Variants in LRRC74B observed in about 807,000 individuals in gnomAD.
LRRC74B encodes leucine-rich repeat-containing protein 74B.
LRRC74B carries 30 observed loss-of-function variants against 16.6 expected under a neutral mutation model. The ratio of observed to expected loss-of-function variants is 1.80; its 90% CI spans 1.35 to 2.45. The LOEUF is 2.45. Among genes scored for constraint, LRRC74B ranks in the 30% most tolerant of loss-of-function variants. LRRC74B has a pLI of 0.00. For synonymous variants in LRRC74B, 134 were observed against 86.0 expected (o/e 1.56, Z -3.09); for missense variants, 326 against 202.4 (o/e 1.61, Z -3.71).
intron 7 of LRRC74B, chr22:21,056,838 C>T: frequency 2.3e-6 from 1 of 426,136 alleles, no homozygotes; most frequent in Non-Finnish European, 4.2e-6. Flanking sequence ...CCTTTCCCTC[C>T]CCTCTCCCCA....
In LRRC74B at chr22:21,055,813, C is replaced by T. The variant is rs539517463; in HGVS notation, c.927+637C>T. On this transcript the variant is annotated intron_variant, in intron 7 of 8. Transcript: ENST00000442047. The stretch of plus-strand genomic sequence containing the variant: ...CTTCCTGCCTCACAGGAACCTGGAC[C>T]TCTCTGAAGCATAGACCTGCGTTTC... Among the ~76,000 whole-genome samples the T allele has an allele frequency of 1.0e-3, 154 of 152,324 alleles. No individual in the cohort carries two copies. The Middle Eastern group carries it at 0.017, about 17-fold the overall frequency.
upstream of LRRC74B, chr22:21,045,948 C>T: frequency 1.4e-6 from 1 of 713,292 alleles, no homozygotes; most frequent in Non-Finnish European, 2.6e-6. Context: ...GTCAAGCTGT[C>T]TCCGACTCAG....
chr22:21,053,480 G>A lies in LRRC74B; in HGVS notation c.848+5G>A, dbSNP rs1930234295. 6 of 716,076 alleles carry A rather than the reference G, an allele frequency of 8.4e-6. No homozygotes were observed. The highest frequency in any genetic ancestry group is 1.6e-5 in the Non-Finnish European group (6 of 384,810). 44.4% of individuals were successfully genotyped at this position (716,076 alleles called of 1,614,324 possible). ...GTTGGAGGAACTCAACATGAGGTGA[G>A]GATCCCCGGGGGGACACCCCAGGAA... On this transcript the variant is annotated splice_donor_5th_base_variant and intron_variant, in intron 6 of 8. Coordinates refer to ENST00000442047, the Ensembl canonical transcript of LRRC74B.
At chr22:21,058,846 T>C (rs531027522) in intron 8 of LRRC74B, among the ~76,000 whole-genome samples, 12 of 152,316 alleles carry the variant, frequency 7.9e-5, no homozygotes, top group East Asian at 1.9e-4. Context: ...CCCCTAGTCT[T>C]GTGGGAATGC....
At chr22:21,059,610 G>A (rs1930715260) in intron 8 of LRRC74B, among the ~76,000 whole-genome samples, 1 of 152,208 alleles carries the variant, frequency 6.6e-6, no homozygotes. Flanking sequence ...AGCCTGAATT[G>A]AATATTCTAT....
At chr22:21,047,616 T>A (rs909542755) in intron 2 of LRRC74B, 118 bp downstream of exon 2, 1 of 635,962 alleles carries the variant, frequency 1.6e-6, no homozygotes, top group African/African-American at 1.8e-5. Flanking sequence ...GTGTCAGTCA[T>A]GCCCTACCCT....
At chr22:21,053,737 C>T (rs112507656) in intron 6 of LRRC74B, 3,313 of 283,616 alleles carry the variant, frequency 0.012, 23 homozygotes, top group Middle Eastern at 0.021. Context: ...AATCCCACCA[C>T]CTCAGCCTCC....
chr22:21,055,672 A>G (rs1930466273), intron 7 of LRRC74B, among the ~76,000 whole-genome samples: 1 of 152,140 alleles, frequency 6.6e-6, no homozygotes, highest in South Asian at 2.1e-4. Flanking sequence ...CACTGTGCCC[A>G]CAGCAGGTAC....
intron 1 of LRRC74B, among the ~76,000 whole-genome samples, chr22:21,047,042 G>A (rs1409452236): frequency 4.0e-5 from 6 of 151,366 alleles, no homozygotes; most frequent in African/African-American, 1.2e-4. Context: ...TCAGTGAGCC[G>A]AGATCGTGCC....
Position 21,052,375 on chromosome 22 carries a change from T to C in LRRC74B, c.732+17T>C, listed in dbSNP as rs1247307202. 4.2e-6 allele frequency: 3 copies of C among 717,080 alleles called. No individual in the cohort carries two copies. In the African/African-American group the frequency reaches 5.2e-5, roughly 13 times the overall value. 44.4% of individuals were successfully genotyped at this position (717,080 alleles called of 1,614,324 possible). On this transcript the variant is annotated intron_variant, in intron 5 of 8. Transcript: ENST00000442047. ...GGACTGGAGGTATGAAGCCCCCACC[T>C]AGTCGGCCCTACAGCCTGTCTGCTG...
intron 8 of LRRC74B, among the ~76,000 whole-genome samples, chr22:21,059,455 G>A (rs1246815900): frequency 2.0e-5 from 3 of 152,022 alleles, no homozygotes; most frequent in Non-Finnish European, 4.4e-5. Flanking sequence ...TCAGCTACTC[G>A]GGAGGCTGAG....
intron 7 of LRRC74B, among the ~76,000 whole-genome samples, chr22:21,055,560 T>C (rs1332289589): frequency 6.6e-6 from 1 of 152,104 alleles, no homozygotes; most frequent in Non-Finnish European, 1.5e-5. Context: ...CAGCTGGGGT[T>C]CCTTCCCCTG....
At chr22:21,055,853 A>G (rs1930482416) in intron 7 of LRRC74B, among the ~76,000 whole-genome samples, 1 of 152,170 alleles carries the variant, frequency 6.6e-6, no homozygotes, top group Non-Finnish European at 1.5e-5. Context: ...CACCTCGTAG[A>G]CAGTCCTCTA....
intron 1 of LRRC74B, 100 bp downstream of exon 1, chr22:21,046,225 A>G: frequency 1.6e-6 from 1 of 638,330 alleles, no homozygotes; most frequent in Non-Finnish European, 2.8e-6. Flanking sequence ...CAGGGAACGT[A>G]CCCGCCTGCG....
chr22:21,056,951 C>T (rs992737701), intron 7 of LRRC74B, 154 bp from the exon 8 acceptor site: 1 of 599,042 alleles, frequency 1.7e-6, no homozygotes, highest in Non-Finnish European at 3.0e-6. Context: ...CCAGAGCATT[C>T]TGTCTGACTA....
At chr22:21,056,308 A>G (rs1258824384) in intron 7 of LRRC74B, among the ~76,000 whole-genome samples, 2 of 152,090 alleles carry the variant, frequency 1.3e-5, no homozygotes, top group Non-Finnish European at 2.9e-5. Flanking sequence ...TTGAGCCCAG[A>G]CTGACCAACA....
chr22:21,054,039 G>A (rs1930282621), intron 6 of LRRC74B: 1 of 152,246 alleles, frequency 6.6e-6, no homozygotes, highest in African/African-American at 2.4e-5. Context: ...CAGAAGACGA[G>A]CCAGGGCCAG....
rs1451700120 is a variant in LRRC74B, at chr22:21,047,493, C to A, written c.277C>A (p.Pro93Thr). 5.6e-6 allele frequency: 4 copies of A among 717,322 alleles called. No individual in the cohort carries two copies. The East Asian group carries it at 8.0e-5, about 14-fold the overall frequency. 44.4% of individuals were successfully genotyped at this position (717,322 alleles called of 1,614,324 possible). A position where few individuals can be genotyped will look rare whatever the true frequency, so the allele number is the denominator to read the frequency against. ...GAACCTCCGGCACCGTGGCCTGGGG[C>A]CCCAGGTACCACTGGAGGGACACTG... The change falls in exon 2 of 9, where the codon CCC (proline) becomes ACC (threonine). Residue 93 changes from proline (P) to threonine (T), a missense_variant. Transcript: ENST00000442047.
chr22:21,062,316 G>A (rs984505154), downstream of LRRC74B: 9 of 152,178 alleles, frequency 5.9e-5, no homozygotes, highest in South Asian at 2.1e-4. Flanking sequence ...GCTAAAAACC[G>A]CTCGATTGTA....
Sources: gnomAD v4.1 joint callset for allele counts (sites outside exome capture counted in the v4.1 genomes callset) on GRCh38, gnomAD v4.1.1 for gene constraint, MANE v1.5 for transcripts, NCBI Gene and HGNC (gene_info 2026-07-23, HGNC 2026-07-21) for gene names.